The following NFIB variants were observed in gnomAD, a reference collection of about 807,000 sequenced individuals.
NFIB encodes the protein nuclear factor 1 B-type.
In NFIB, 11 loss-of-function variants were observed where a neutral mutation model predicts 61.5. The observed-to-expected ratio is 0.18, with a 90% CI of 0.11 to 0.30. The LOEUF (loss-of-function observed/expected upper bound fraction) is 0.30, where lower values mean the gene tolerates loss of function less well. NFIB is among the 10% of genes least tolerant of loss of function. The pLI is 1.00. For synonymous variants in NFIB, 260 were observed against 216.5 expected, an observed-to-expected ratio of 1.20 and a Z score of -1.76; for missense variants, 471 against 608.9, an observed-to-expected ratio of 0.77 and a Z score of 2.38.
At chr9:14,527,798 A>G in the NFIB span, among the ~76,000 whole-genome samples, 3 of 152,320 alleles carry the variant, frequency 2.0e-5, no homozygotes, top group East Asian at 5.8e-4. Flanking sequence ...AGTTTCTACC[A>G]CATTTCTACA....
At chr9:14,470,710 C>T in the NFIB span, among the ~76,000 whole-genome samples, 1 of 152,220 alleles carries the variant, frequency 6.6e-6, no homozygotes, top group Non-Finnish European at 1.5e-5. Flanking sequence ...ACAGCAATTA[C>T]ATTCAGAGTT....
intron 6 of NFIB, among the ~76,000 whole-genome samples, chr9:14,130,727 C>T (rs377205863): frequency 2.6e-5 from 4 of 151,618 alleles, no homozygotes; most frequent in African/African-American, 7.3e-5. Flanking sequence ...AAGCAGGCAC[C>T]GTGTCTAGGC....
intron 4 of NFIB, 24 bp from the exon 5 acceptor site, chr9:14,150,289 C>A (rs940046156): frequency 2.5e-6 from 4 of 1,612,740 alleles, no homozygotes; most frequent in Non-Finnish European, 3.4e-6. Flanking sequence ...CAAAGAAGCA[C>A]TGGGAATGAC....
chr9:14,247,961 C>G (rs1017019167), intron 2 of NFIB, among the ~76,000 whole-genome samples: 2 of 143,040 alleles, frequency 1.4e-5, no homozygotes, highest in Non-Finnish European at 3.0e-5. Flanking sequence ...GAGACAGGGT[C>G]TCTCCCTGTC....
intron 1 of NFIB, among the ~76,000 whole-genome samples, chr9:14,391,888 T>G (rs933657227): frequency 3.9e-5 from 6 of 152,190 alleles, no homozygotes; most frequent in African/African-American, 1.4e-4. Context: ...GTTTACTCAC[T>G]TCTGCTCTAA....
chr9:14,208,153 T>A (rs369846656), intron 2 of NFIB, among the ~76,000 whole-genome samples: 1 of 152,376 alleles, frequency 6.6e-6, no homozygotes, highest in Non-Finnish European at 1.5e-5. Context: ...ATTTGTAATC[T>A]GATTTTAATG....
chr9:14,498,998 G>A, the NFIB span, among the ~76,000 whole-genome samples: 6 of 150,568 alleles, frequency 4.0e-5, no homozygotes, highest in South Asian at 1.3e-3. Context: ...TTGTGTGTAT[G>A]TGTGTGTGTG....
At chr9:14,422,618 C>G in the NFIB span, among the ~76,000 whole-genome samples, 1 of 152,188 alleles carries the variant, frequency 6.6e-6, no homozygotes, top group Non-Finnish European at 1.5e-5. Context: ...GAGACAATAT[C>G]CTTTCACTTT....
At chr9:14,482,859 A>G in the NFIB span, among the ~76,000 whole-genome samples, 5 of 152,226 alleles carry the variant, frequency 3.3e-5, no homozygotes, top group African/African-American at 1.2e-4. Context: ...CATTGACTAC[A>G]TAATTTGTAT....
At chr9:14,508,436 G>A in the NFIB span, among the ~76,000 whole-genome samples, 135 of 152,284 alleles carry the variant, frequency 8.9e-4, no homozygotes, top group African/African-American at 3.1e-3. Flanking sequence ...AGAAGTTGTT[G>A]TTTGATCTAG....
intron 2 of NFIB, among the ~76,000 whole-genome samples, chr9:14,219,723 G>C (rs1453868540): frequency 6.6e-6 from 1 of 152,194 alleles, no homozygotes; most frequent in Non-Finnish European, 1.5e-5. Context: ...AATTTGGAAA[G>C]AAAGCTTGAG....
chr9:14,284,526 G>A (rs182203707), intron 2 of NFIB, among the ~76,000 whole-genome samples: 10 of 152,220 alleles, frequency 6.6e-5, no homozygotes, highest in Non-Finnish European at 1.2e-4. Context: ...CACAAAGTGA[G>A]CACTCAAAAT....
At chr9:14,325,293 GCCTT>G (rs1261244207) in intron 1 of NFIB, among the ~76,000 whole-genome samples, 1 of 151,948 alleles carries the variant, frequency 6.6e-6, no homozygotes, top group Non-Finnish European at 1.5e-5. Context: ...ATTTTTTTCT[GCCTT>G]AAGTTGCAGG....
At chr9:14,520,111 C>T in the NFIB span, among the ~76,000 whole-genome samples, 73 of 151,916 alleles carry the variant, frequency 4.8e-4, no homozygotes, top group African/African-American at 1.7e-3. Flanking sequence ...TAGATATTAT[C>T]TTACACTGCA....
intron 2 of NFIB, chr9:14,204,316 G>T: frequency 1.4e-6 from 1 of 722,630 alleles, no homozygotes; most frequent in Non-Finnish European, 2.5e-6. Context: ...AGAAGCAGGA[G>T]GCCAAGAAAG....
In NFIB at chr9:14,269,913, G is replaced by A. The variant is rs545785567; in HGVS notation, c.562+37076C>T. ...CTGAAAACTACAGAGCGGCAAGGAAGTTGAACTGAATAAAAACAAAATGGC... is the reference window on the plus strand; with the variant it reads ...CTGAAAACTACAGAGCGGCAAGGAAATTGAACTGAATAAAAACAAAATGGC... On this transcript the variant is annotated intron_variant, in intron 2 of 10. Coordinates refer to ENST00000380953, the MANE Select transcript of NFIB (RefSeq NM_001190737.2). Among the ~76,000 whole-genome samples the A allele has an allele frequency of 4.6e-5, 7 of 152,254 alleles. No individual in the cohort carries two copies. The East Asian group carries it at 1.3e-3, about 29-fold the overall frequency.
the NFIB span, among the ~76,000 whole-genome samples, chr9:14,469,524 A>G: frequency 2.6e-5 from 4 of 152,180 alleles, no homozygotes; most frequent in Admixed American, 1.3e-4. Flanking sequence ...GAAATAACGT[A>G]ATCTTGTGTA....
intron 2 of NFIB, among the ~76,000 whole-genome samples, chr9:14,209,620 T>A (rs928260507): frequency 6.6e-6 from 1 of 152,330 alleles, no homozygotes; most frequent in South Asian, 2.1e-4. Flanking sequence ...AAACGTCACT[T>A]TGGATATGGT....
intron 1 of NFIB, among the ~76,000 whole-genome samples, chr9:14,334,296 A>G (rs1196321091): frequency 1.3e-5 from 2 of 152,202 alleles, no homozygotes; most frequent in Admixed American, 6.5e-5. Context: ...TGCCAAATGG[A>G]TTTCCAAAGT....
Sources: allele counts gnomAD v4.1 joint callset (sites outside exome capture counted in the v4.1 genomes callset), GRCh38; gene constraint gnomAD v4.1.1; transcripts MANE v1.5; gene names NCBI Gene and HGNC (gene_info 2026-07-23, HGNC 2026-07-21).